The following CSMD1 variants were observed in gnomAD, a reference collection of about 807,000 sequenced individuals.
CSMD1 encodes CUB and sushi domain-containing protein 1.
A neutral mutation model predicts 417.5 loss-of-function variants in CSMD1; 213 were observed. The ratio of observed to expected loss-of-function variants is 0.51; its 90% CI spans 0.46 to 0.57. The LOEUF (loss-of-function observed/expected upper bound fraction) is 0.57, where lower values mean the gene tolerates loss of function less well. Among genes scored for constraint, CSMD1 ranks in the 20% least tolerant of loss-of-function variants. CSMD1 has a pLI of 0.00. For missense variants in CSMD1, 6,923 were observed against 4,529.7 expected, an observed-to-expected ratio of 1.53 and a Z score of -15.17; for synonymous variants, 2,862 against 1,736.8, an observed-to-expected ratio of 1.65 and a Z score of -16.11.
chr8:4,740,922 T>C (rs1810561932), intron 1 of CSMD1, among the ~76,000 whole-genome samples: 1 of 152,132 alleles, frequency 6.6e-6, no homozygotes, highest in Non-Finnish European at 1.5e-5. Context: ...CTTTAAAGTT[T>C]CAAAACAAAA....
chr8:3,458,831 G>T (rs193254686), intron 12 of CSMD1, among the ~76,000 whole-genome samples: 85 of 152,218 alleles, frequency 5.6e-4, no homozygotes, highest in Non-Finnish European at 7.4e-4. Context: ...GAATAAAATG[G>T]GGCTCTTTCT....
chr8:3,027,147 A>G (rs1028675871), intron 51 of CSMD1, among the ~76,000 whole-genome samples: 1 of 152,190 alleles, frequency 6.6e-6, no homozygotes, highest in South Asian at 2.1e-4. Flanking sequence ...TATAGTAGAT[A>G]TAAGAATAAA....
chr8:3,841,953 T>C (rs140536675), intron 5 of CSMD1, among the ~76,000 whole-genome samples: 2 of 152,314 alleles, frequency 1.3e-5, no homozygotes, highest in East Asian at 3.9e-4. Context: ...AAAAGGAAAG[T>C]TACTGCTTCC....
chr8:4,386,463 C>T (rs758004288), intron 3 of CSMD1, among the ~76,000 whole-genome samples: 1 of 152,168 alleles, frequency 6.6e-6, no homozygotes, highest in Admixed American at 6.5e-5. Context: ...TTTACATGTC[C>T]ATCAAAACCA....
chr8:3,355,626 T>C (rs1312499438), intron 21 of CSMD1, among the ~76,000 whole-genome samples: 1 of 152,122 alleles, frequency 6.6e-6, no homozygotes, highest in East Asian at 1.9e-4. Context: ...GCACTGTATG[T>C]GATGATATGA....
intron 2 of CSMD1, among the ~76,000 whole-genome samples, chr8:4,617,757 T>A (rs966802833): frequency 1.3e-5 from 2 of 152,088 alleles, no homozygotes; most frequent in Non-Finnish European, 2.9e-5. Flanking sequence ...CTATTTGGCA[T>A]TCCTCATTAT....
intron 3 of CSMD1, among the ~76,000 whole-genome samples, chr8:4,282,870 A>G (rs1453882889): frequency 6.6e-6 from 1 of 152,214 alleles, no homozygotes; most frequent in Non-Finnish European, 1.5e-5. Flanking sequence ...TCTAAAGATC[A>G]TAATTATATT....
chr8:4,316,604 C>G (rs973846768), intron 3 of CSMD1, among the ~76,000 whole-genome samples: 3 of 151,904 alleles, frequency 2.0e-5, no homozygotes, highest in Non-Finnish European at 4.4e-5. Context: ...TTGGTGTAGA[C>G]ATCAGAGACA....
chr8:3,964,397 T>A (rs1812536422), intron 5 of CSMD1, among the ~76,000 whole-genome samples: 1 of 152,166 alleles, frequency 6.6e-6, no homozygotes, highest in East Asian at 1.9e-4. Flanking sequence ...CAACGTATAA[T>A]TTAGCATAGC....
At chr8:4,030,870 C>A (rs1797307705) in intron 4 of CSMD1, among the ~76,000 whole-genome samples, 1 of 152,176 alleles carries the variant, frequency 6.6e-6, no homozygotes, top group South Asian at 2.1e-4. Flanking sequence ...CCTCCAGATA[C>A]CCCAAATCAT....
intron 12 of CSMD1, among the ~76,000 whole-genome samples, chr8:3,458,385 T>A (rs1386833209): frequency 1.3e-5 from 2 of 152,144 alleles, no homozygotes; most frequent in Non-Finnish European, 2.9e-5. Flanking sequence ...GCAATATAAC[T>A]CAGAAAAAAA....
chr8:3,309,303 G>A (rs1411629232), intron 23 of CSMD1, among the ~76,000 whole-genome samples: 3 of 151,386 alleles, frequency 2.0e-5, no homozygotes, highest in African/African-American at 7.3e-5. Flanking sequence ...CAAACTCCAA[G>A]ATGTCAACTT....
chr8:3,710,261 C>G (rs1297049414), intron 6 of CSMD1, among the ~76,000 whole-genome samples: 1 of 152,054 alleles, frequency 6.6e-6, no homozygotes, highest in African/African-American at 2.4e-5. Context: ...GCAGTTTAAA[C>G]CTATGCTGCT....
rs537760829 is a variant in CSMD1 at position 3,744,350 on chromosome 8, G to A, written c.931+9580C>T. Among the ~76,000 whole-genome samples, 9 of 152,258 alleles carry A rather than the reference G, an allele frequency of 5.9e-5. 1 individual carries two copies. Among genetic ancestry groups the A allele is most frequent in the Admixed American group, 5.9e-4 (9 of 15,292 alleles). On this transcript the variant is annotated intron_variant, in intron 6 of 69. Coordinates refer to ENST00000635120, the MANE Select transcript of CSMD1 (RefSeq NM_033225.6). ...CTGTGATACCCTGTGGGCTTCCACTGATTACTAAACAGGGCACAGCAGGAC... is the reference window on the plus strand; with the variant it reads ...CTGTGATACCCTGTGGGCTTCCACTAATTACTAAACAGGGCACAGCAGGAC...
chr8:4,841,884 C>T (rs1450497293), intron 1 of CSMD1, among the ~76,000 whole-genome samples: 4 of 108,576 alleles, frequency 3.7e-5, no homozygotes, highest in African/African-American at 6.4e-5. Flanking sequence ...GCACTCTAGC[C>T]GGGGCAACAA....
At chr8:4,958,493 A>G (rs1297802382) in intron 1 of CSMD1, among the ~76,000 whole-genome samples, 1 of 152,218 alleles carries the variant, frequency 6.6e-6, no homozygotes, top group Non-Finnish European at 1.5e-5. Context: ...TGAGGCTTAC[A>G]GAATCAAGCA....
At chr8:3,063,046 C>T (rs755586757) in intron 49 of CSMD1, among the ~76,000 whole-genome samples, 2 of 152,100 alleles carry the variant, frequency 1.3e-5, no homozygotes, top group Non-Finnish European at 2.9e-5. Context: ...GGATGCCAAC[C>T]ACCAATGTCC....
intron 3 of CSMD1, among the ~76,000 whole-genome samples, chr8:4,383,438 C>G (rs758904475): frequency 2.0e-5 from 3 of 152,138 alleles, no homozygotes; most frequent in Non-Finnish European, 4.4e-5. Flanking sequence ...AGCCAGATAC[C>G]ATGAATTTCA....
chr8:4,734,285 G>C (rs866216750), intron 1 of CSMD1, among the ~76,000 whole-genome samples: 46 of 152,124 alleles, frequency 3.0e-4, no homozygotes, highest in African/African-American at 9.6e-4. Context: ...GTGATATATT[G>C]AGCAGTACTA....
Sources: gnomAD v4.1 joint callset for allele counts (sites outside exome capture counted in the v4.1 genomes callset) on GRCh38, gnomAD v4.1.1 for gene constraint, MANE v1.5 for transcripts, NCBI Gene and HGNC (gene_info 2026-07-23, HGNC 2026-07-21) for gene names.